TTC7B: variants seen among roughly 807,000 people sequenced by gnomAD.
The protein encoded by TTC7B is tetratricopeptide repeat protein 7B.
Under a neutral mutation model 106.8 loss-of-function variants are expected in TTC7B, and 28 were observed. The observed-to-expected ratio is 0.26, with a 90% CI of 0.19 to 0.36. The LOEUF (loss-of-function observed/expected upper bound fraction) is 0.36. Ranked by LOEUF, TTC7B falls within the 10% of genes least tolerant of loss-of-function variation. The pLI is 1.00. For synonymous variants in TTC7B, 405 were observed against 430.6 expected, an observed-to-expected ratio of 0.94 and a Z score of 0.74; for missense variants, 862 against 1,076.4, an observed-to-expected ratio of 0.80 and a Z score of 2.79.
intron 4 of TTC7B, among the ~76,000 whole-genome samples, chr14:90,736,255 T>C (rs1170657409): frequency 5.3e-5 from 8 of 152,076 alleles, no homozygotes. Flanking sequence ...CTGTACATAG[T>C]GAAAAAATTT....
At chr14:90,559,946 A>G (rs946424221) in intron 19 of TTC7B, among the ~76,000 whole-genome samples, 4 of 152,178 alleles carry the variant, frequency 2.6e-5, no homozygotes, top group African/African-American at 9.7e-5. Context: ...CCTTCCTGCC[A>G]CCATCCTGGG....
intron 18 of TTC7B, among the ~76,000 whole-genome samples, chr14:90,592,744 T>C (rs766980478): frequency 2.0e-5 from 3 of 151,958 alleles, no homozygotes; most frequent in Non-Finnish European, 4.4e-5. Context: ...GCATTTATTT[T>C]TGGGCTTTTT....
chr14:90,644,133 C>T lies in TTC7B; in HGVS notation c.1666G>A (p.Ala556Thr). The T allele has an allele frequency of 6.2e-7, 1 of 1,613,946 alleles. No individual in the cohort carries two copies. ...GDDANSLHLL[A>T]LLLSAQKHYH... ...TGCTTCTGTGCTGACAGCAGGAGGG[C>T]AAGGAGGTGCAGGGAGTTGGCATCG... The change falls in exon 15 of 20, where the codon GCC (alanine) becomes ACC (threonine). Residue 556 changes from alanine to threonine, a missense_variant. Transcript: ENST00000328459.
chr14:90,534,242 G>C lies in TTC7B; in HGVS notation c.*7126C>G, dbSNP rs1268009608. ...TTCCTATCTGGCTGCAGCGTGGGCA[G>C]GGGCAGCAGGAAATGCATGACCACA... On this transcript the variant is annotated 3_prime_UTR_variant, in exon 20 of 20. Transcript: ENST00000328459. 6.6e-6 allele frequency: 1 copy of C among 152,452 alleles called. No homozygotes were observed. The highest frequency in any genetic ancestry group is 2.4e-5 in the African/African-American group (1 of 41,484). The allele number at this position is 152,452 out of a possible 1,614,324, so 9.4% of individuals were successfully genotyped here.
intron 6 of TTC7B, among the ~76,000 whole-genome samples, chr14:90,694,647 GT>G (rs1309222957): frequency 9.1e-6 from 1 of 109,444 alleles, no homozygotes; most frequent in African/African-American, 3.4e-5. Flanking sequence ...TAACACATAT[GT>G]CACATATATT....
chr14:90,688,082 C>T (rs1252932151), intron 7 of TTC7B, among the ~76,000 whole-genome samples: 1 of 152,244 alleles, frequency 6.6e-6, no homozygotes, highest in East Asian at 1.9e-4. Flanking sequence ...CCACCTCATC[C>T]TCTCAGCTGT....
intron 9 of TTC7B, among the ~76,000 whole-genome samples, chr14:90,669,394 CAA>C (rs1377901185): frequency 6.6e-6 from 1 of 152,050 alleles, no homozygotes; most frequent in Non-Finnish European, 1.5e-5. Context: ...TTTTGCACAT[CAA>C]AAGACATTTC....
In TTC7B at chr14:90,613,987, G is replaced by T. The variant is rs115178746; in HGVS notation, c.1869-3148C>A. Among the ~76,000 whole-genome samples, 250 of 152,326 alleles carry T rather than the reference G, an allele frequency of 1.6e-3. 1 individual carries two copies. The highest frequency in any genetic ancestry group is 5.6e-3 in the African/African-American group (231 of 41,562). The stretch of plus-strand genomic sequence containing the variant: ...CACAGAGGTTAAACACGAGAGGCTT[G>T]GTGGTGGTGGGGCGGGCTTGGAGTC... On this transcript the variant is annotated intron_variant, in intron 16 of 19. Transcript: ENST00000328459.
intron 5 of TTC7B, among the ~76,000 whole-genome samples, chr14:90,704,647 G>T (rs1260848338): frequency 6.6e-6 from 1 of 152,244 alleles, no homozygotes; most frequent in Non-Finnish European, 1.5e-5. Context: ...ACATCTGGCT[G>T]CAAAGAACGG....
In TTC7B at chr14:90,690,225, C is replaced by T. The variant is rs556830157; in HGVS notation, c.778-513G>A. The stretch of plus-strand genomic sequence containing the variant: ...TGGCAGGGCCTAATCATCCCACCCC[C>T]GAGGACTCAGCACCTGAGTGTCTAC... On this transcript the variant is annotated intron_variant, in intron 6 of 19. Transcript: ENST00000328459. Among the ~76,000 whole-genome samples the T allele has an allele frequency of 5.9e-5, 9 of 152,338 alleles. No homozygotes were observed. In the South Asian group the frequency reaches 1.4e-3, roughly 25 times the overall value.
chr14:90,645,891 T>C (rs1885424256), intron 14 of TTC7B, among the ~76,000 whole-genome samples: 1 of 152,090 alleles, frequency 6.6e-6, no homozygotes, highest in South Asian at 2.1e-4. Flanking sequence ...TACAGTCCAG[T>C]GAGAAAGACA....
Position 90,533,868 on chromosome 14 carries a change from G to A in TTC7B, c.*7500C>T, listed in dbSNP as rs1889348508. ...CCTCTCCATAGTCAGCCCCACTCAG[G>A]GCTTGAGTGTCCAGGAGGAGTCCTG... is the stretch of plus-strand genomic sequence containing the variant. On this transcript the variant is annotated 3_prime_UTR_variant, in exon 20 of 20. Transcript: ENST00000328459. 6.6e-6 allele frequency: 1 copy of A among 152,424 alleles called. No individual in the cohort carries two copies. 9.4% of individuals were successfully genotyped at this position (152,424 alleles called of 1,614,324 possible). A position where few individuals can be genotyped will look rare whatever the true frequency, so the allele number is the denominator to read the frequency against.
In TTC7B at chr14:90,657,912, A is replaced by G; in HGVS notation, c.1236+392T>C. The G allele has an allele frequency of 5.0e-6, 1 of 200,088 alleles. No homozygotes were observed. The highest frequency in any genetic ancestry group is 1.0e-5 in the Non-Finnish European group (1 of 96,308). The allele number at this position is 200,088 out of a possible 1,614,324, so 12.4% of individuals were successfully genotyped here. On this transcript the variant is annotated intron_variant, in intron 10 of 19. Transcript: ENST00000328459. The surrounding 1 kb of genome is among the most constrained non-coding windows in gnomAD (Gnocchi z 4.2). The stretch of plus-strand genomic sequence containing the variant: ...TCCTGCCGTTGGACTCCCTCAGCCC[A>G]CATTTTCATCCAGTATCATGCACTG...
chr14:90,696,273 T>A (rs1004139939), intron 5 of TTC7B, among the ~76,000 whole-genome samples: 2 of 152,106 alleles, frequency 1.3e-5, no homozygotes, highest in African/African-American at 2.4e-5. Context: ...AAGAGACAAA[T>A]AATTATTTTG....
intron 9 of TTC7B, among the ~76,000 whole-genome samples, chr14:90,670,454 G>A (rs1264786484): frequency 6.6e-6 from 1 of 152,132 alleles, no homozygotes; most frequent in Non-Finnish European, 1.5e-5. Context: ...CATCGTGAAT[G>A]TAATTAAATG....
At chr14:90,678,122 A>T (rs1886913473) in intron 8 of TTC7B, among the ~76,000 whole-genome samples, 1 of 152,250 alleles carries the variant, frequency 6.6e-6, no homozygotes, top group Non-Finnish European at 1.5e-5. Context: ...TACTAAATGC[A>T]TTCTTTTCAT....
chr14:90,689,504 C>A, intron 7 of TTC7B, 36 bp downstream of exon 7: 1 of 1,579,430 alleles, frequency 6.3e-7, no homozygotes, highest in East Asian at 2.3e-5. Context: ...TTCCTCCCAA[C>A]CCATAACCTA....
At chr14:90,579,663 G>T (rs1223664732) in intron 18 of TTC7B, among the ~76,000 whole-genome samples, 6 of 152,136 alleles carry the variant, frequency 3.9e-5, no homozygotes, top group Non-Finnish European at 5.9e-5. Flanking sequence ...GCCGGGCGTG[G>T]TGTTGCACAC....
intron 18 of TTC7B, among the ~76,000 whole-genome samples, chr14:90,586,477 C>T (rs1177807239): frequency 6.6e-6 from 1 of 152,132 alleles, no homozygotes; most frequent in Non-Finnish European, 1.5e-5. Flanking sequence ...ACCATGTTGG[C>T]CAGGCTGGTC....
Sources: gnomAD v4.1 joint callset for allele counts (sites outside exome capture counted in the v4.1 genomes callset) on GRCh38, gnomAD v4.1.1 for gene constraint, Gnocchi (gnomAD v3.1) non-coding constraint, MANE v1.5 for transcripts, NCBI Gene and HGNC (gene_info 2026-07-23, HGNC 2026-07-21) for gene names.